FSIP2: variants seen among roughly 807,000 people sequenced by gnomAD.
FSIP2 encodes the protein fibrous sheath interacting protein 2, also known as fibrous sheath-interacting protein 2.
FSIP2 carries 367 observed loss-of-function variants against 510.5 expected under a neutral mutation model. That is an observed-to-expected ratio of 0.72 (90% CI 0.66 to 0.78). The LOEUF (loss-of-function observed/expected upper bound fraction) is 0.78, where lower values mean the gene tolerates loss of function less well. FSIP2 is among the 30% of genes least tolerant of loss of function. The probability of loss-of-function intolerance (pLI) is 0.00; values close to 1 mark genes in which losing one functional copy is unlikely to be tolerated. For missense variants in FSIP2, 7,594 were observed against 7,901.7 expected, an observed-to-expected ratio of 0.96 and a Z score of 1.48; for synonymous variants, 2,601 against 2,732.2, an observed-to-expected ratio of 0.95 and a Z score of 1.50.
chr2:185,745,386 T>TA (rs1559008959), intron 4 of FSIP2, 43 bp from the exon 5 acceptor site: 5 of 1,185,898 alleles, frequency 4.2e-6, no homozygotes, highest in Admixed American at 6.2e-5. Context: ...CTGGGAAATG[T>TA]AAAAAGCATT....
intron 13 of FSIP2, among the ~76,000 whole-genome samples, chr2:185,781,956 G>A (rs1692858444): frequency 6.6e-6 from 1 of 151,910 alleles, no homozygotes; most frequent in Non-Finnish European, 1.5e-5. Flanking sequence ...TCCTGCCTCA[G>A]CATCCCCCAG....
rs943701755 is a variant in FSIP2, at chr2:185,803,767, G to A, written c.14461G>A (p.Asp4821Asn). The change falls in exon 17 of 23, where the codon GAC becomes AAC. Residue 4821 changes from aspartate (D) to asparagine (N), a missense_variant. Transcript: ENST00000424728. ...SAEQSDTTKS[D>N]LSNTVIKLIN... ...AGAGCAGTCAGATACTACTAAATCAGACTTAAGTAATACAGTGATAAAACT... is the reference window on the plus strand; with the variant it reads ...AGAGCAGTCAGATACTACTAAATCAAACTTAAGTAATACAGTGATAAAACT... 3 of 1,530,114 alleles carry A rather than the reference G, an allele frequency of 2.0e-6. No individual in the cohort carries two copies. The highest frequency in any genetic ancestry group is 4.0e-5 in the Admixed American group (2 of 50,456). 94.8% of individuals were successfully genotyped at this position (1,530,114 alleles called of 1,614,324 possible).
In FSIP2 at chr2:185,792,300, G is replaced by A; in HGVS notation, c.5164G>A (p.Glu1722Lys). ...PTYGSLPGGA[E>K]SDSFLEDDAY... ...ATATGGAAGTCTTCCTGGAGGAGCT[G>A]AATCAGATTCATTTCTAGAAGATGA... The change falls in exon 16 of 23, where the codon GAA (glutamate) becomes AAA (lysine). Residue 1722 changes from glutamate (E) to lysine (K), a missense_variant. By Grantham distance (56) the Glu-to-Lys change is moderately conservative. Coordinates refer to ENST00000424728, the MANE Select transcript of FSIP2 (RefSeq NM_173651.4). 6.5e-7 allele frequency: 1 copy of A among 1,531,210 alleles called. No homozygotes were observed. Among genetic ancestry groups the A allele is most frequent in the Non-Finnish European group, 8.7e-7 (1 of 1,144,632 alleles). 94.9% of individuals were successfully genotyped at this position (1,531,210 alleles called of 1,614,324 possible).
Position 185,807,428 on chromosome 2 carries a change from C to T in FSIP2, c.18122C>T (p.Ser6041Phe), listed in dbSNP as rs1436835573. 2 of 1,611,334 alleles carry T rather than the reference C, an allele frequency of 1.2e-6. No homozygotes were observed. Among genetic ancestry groups the T allele is most frequent in the Non-Finnish European group, 1.7e-6 (2 of 1,179,052 alleles). Reference protein sequence around the residue: ...TKTKEPEDNLSTELNFLQMKL... With the variant: ...TKTKEPEDNLFTELNFLQMKL... ...ACAAAAGAACCTGAGGACAATTTGT[C>T]CACAGAACTGAATTTCCTTCAAATG... The change falls in exon 17 of 23, where the codon TCC becomes TTC. Residue 6041 changes from serine (S) to phenylalanine (F), a missense_variant. Ser to Phe is a radical substitution (Grantham distance 155). Transcript: ENST00000424728.
At position 185,790,737 on chromosome 2, in the gene FSIP2, T is replaced by G; in HGVS notation, c.3601T>G (p.Ser1201Ala). Residue 1201 changes from serine (S) to alanine (A), a missense_variant, in exon 16 of 23, where the codon TCC becomes GCC. Coordinates refer to ENST00000424728, the MANE Select transcript of FSIP2 (RefSeq NM_173651.4). ...SSISSSVHQI[S>A]LHNSDTEHIV... ...CATTTCATCATCAGTTCATCAGATT[T>G]CCTTACATAATTCTGACACTGAACA... The G allele has an allele frequency of 6.5e-7, 1 of 1,533,672 alleles. No individual in the cohort carries two copies. The highest frequency in any genetic ancestry group is 1.4e-5 in the African/African-American group (1 of 72,976).
chr2:185,753,467 T>C (rs1692186711), intron 7 of FSIP2, among the ~76,000 whole-genome samples: 1 of 151,452 alleles, frequency 6.6e-6, no homozygotes, highest in Admixed American at 6.6e-5. Context: ...ATGAATAAGA[T>C]ACCCTGTCTG....
intron 7 of FSIP2, among the ~76,000 whole-genome samples, chr2:185,751,026 C>T (rs1692136201): frequency 6.6e-6 from 1 of 151,274 alleles, no homozygotes; most frequent in South Asian, 2.1e-4. Flanking sequence ...GGGTAAATTA[C>T]GAATGTACAC....
intron 13 of FSIP2, among the ~76,000 whole-genome samples, chr2:185,776,803 C>T (rs1202335393): frequency 2.6e-5 from 4 of 151,382 alleles, no homozygotes; most frequent in Admixed American, 1.3e-4. Flanking sequence ...GGTGTGATCT[C>T]GGCTCACTGC....
chr2:185,793,623 G>T lies in FSIP2; in HGVS notation c.6487G>T (p.Val2163Phe), dbSNP rs1693192281. Residue 2163 changes from valine to phenylalanine, a missense_variant, in exon 16 of 23, where the codon GTT (valine) becomes TTT (phenylalanine). By Grantham distance (50) the Val-to-Phe change is conservative (BLOSUM62 -1). Coordinates refer to ENST00000424728, the MANE Select transcript of FSIP2 (RefSeq NM_173651.4). Reference sequence around the variant, plus strand: ...GATATCCAATGATATAGTGAATATTGTTCTTCATAATCTCAGTTCTGCTGC... The same window carrying T: ...GATATCCAATGATATAGTGAATATTTTTCTTCATAATCTCAGTTCTGCTGC... ...ILISNDIVNI[V>F]LHNLSSAATL... 2 of 1,534,016 alleles carry T rather than the reference G, an allele frequency of 1.3e-6. No homozygotes were observed. Among genetic ancestry groups the T allele is most frequent in the Middle Eastern group, 1.7e-4 (1 of 6,000 alleles).
chr2:185,815,155 T>C (rs1693804662), intron 18 of FSIP2, among the ~76,000 whole-genome samples: 1 of 152,076 alleles, frequency 6.6e-6, no homozygotes, highest in African/African-American at 2.4e-5. Context: ...GTTCAAAATC[T>C]AATGTCATAA....
chr2:185,786,247 T>C lies in FSIP2; in HGVS notation c.1470-5T>C, dbSNP rs2105603805. 1.3e-6 allele frequency: 2 copies of C among 1,519,322 alleles called. No individual in the cohort carries two copies. The highest frequency in any genetic ancestry group is 1.7e-4 in the Middle Eastern group (1 of 5,922). 94.1% of individuals were successfully genotyped at this position (1,519,322 alleles called of 1,614,324 possible). On this transcript the variant is annotated splice_polypyrimidine_tract_variant and splice_region_variant and intron_variant, in intron 14 of 22. Coordinates refer to ENST00000424728, the MANE Select transcript of FSIP2 (RefSeq NM_173651.4). Reference sequence around the variant, plus strand: ...AATAACTAAATGATCAACCTTTCTTTACAGGCAACAGAACTTGCTGCAAAA... The same window carrying C: ...AATAACTAAATGATCAACCTTTCTTCACAGGCAACAGAACTTGCTGCAAAA...
chr2:185,805,353 T>C lies in FSIP2; in HGVS notation c.16047T>C (p.Asp5349=). Residue 5349 remains aspartate, a synonymous_variant, in exon 17 of 23, where the codon GAT becomes GAC. Transcript: ENST00000424728. The part of the protein sequence containing the change: ...SFPPIDKETV[D]KISNFVYEQF... Reference sequence around the variant, plus strand: ...CACCAATTGATAAAGAGACAGTTGATAAAATATCCAATTTTGTATATGAAC... The same window carrying C: ...CACCAATTGATAAAGAGACAGTTGACAAAATATCCAATTTTGTATATGAAC... 6.3e-7 allele frequency: 1 copy of C among 1,598,344 alleles called. No individual in the cohort carries two copies. Among genetic ancestry groups the C allele is most frequent in the Non-Finnish European group, 8.5e-7 (1 of 1,174,440 alleles).
chr2:185,738,585 G>A (rs1574147771), upstream of FSIP2: 3 of 1,534,480 alleles, frequency 2.0e-6, no homozygotes, highest in African/African-American at 1.4e-5. Context: ...AAGCTTATAC[G>A]TTTTCGTTAG....
chr2:185,738,534 T>A, upstream of FSIP2: 1 of 1,392,454 alleles, frequency 7.2e-7, no homozygotes, highest in South Asian at 1.3e-5. Context: ...GGAACAGGGC[T>A]CCTTGGAAGC....
chr2:185,792,974 T>G lies in FSIP2; in HGVS notation c.5838T>G (p.Phe1946Leu), dbSNP rs750430685. ...VKSLFYSQVNFTVPVALPIQQ... is the reference protein window; with the variant it reads ...VKSLFYSQVNLTVPVALPIQQ... ...CTCTCTTTTATTCTCAAGTCAACTT[T>G]ACAGTTCCAGTGGCTTTACCTATTC... The change falls in exon 16 of 23, where the codon TTT becomes TTG. Residue 1946 changes from phenylalanine (F) to leucine (L), a missense_variant. Phe to Leu is a conservative substitution (Grantham distance 22). Transcript: ENST00000424728. 2.4e-4 allele frequency: 365 copies of G among 1,534,310 alleles called. No homozygotes were observed. Among genetic ancestry groups the G allele is most frequent in the Non-Finnish European group, 3.1e-4 (358 of 1,145,728 alleles).
chr2:185,780,022 G>A (rs1401699314), intron 13 of FSIP2, among the ~76,000 whole-genome samples: 5 of 149,700 alleles, frequency 3.3e-5, no homozygotes, highest in African/African-American at 4.9e-5. Flanking sequence ...GCAGTGAGCC[G>A]AGAGCGTGCC....
At chr2:185,782,786 T>C (rs1416717233) in intron 14 of FSIP2, 24 bp downstream of exon 14, 1 of 1,154,278 alleles carries the variant, frequency 8.7e-7, no homozygotes, top group East Asian at 2.6e-5. Context: ...GAATTATATA[T>C]AATCATAACT....
At chr2:185,819,442 A>G (rs984003507) in intron 19 of FSIP2, among the ~76,000 whole-genome samples, 2 of 151,938 alleles carry the variant, frequency 1.3e-5, no homozygotes, top group Non-Finnish European at 2.9e-5. Flanking sequence ...TATGTTATCC[A>G]TAAGATATTC....
Position 185,799,958 on chromosome 2 carries a change from T to C in FSIP2, c.10652T>C (p.Ile3551Thr). The stretch of plus-strand genomic sequence containing the variant: ...TCTCAAGTGTTTGAGAGCAGGTCAA[T>C]TTCCATTGGAGAACTTGCTTTATGT... Reference protein sequence around the residue: ...IHSQVFESRSISIGELALCIS... With the variant: ...IHSQVFESRSTSIGELALCIS... The change falls in exon 17 of 23, where the codon ATT becomes ACT. Residue 3551 changes from isoleucine (I) to threonine (T), a missense_variant. By Grantham distance (89) the Ile-to-Thr change is moderately conservative. Coordinates refer to ENST00000424728, the MANE Select transcript of FSIP2 (RefSeq NM_173651.4). 6.5e-7 allele frequency: 1 copy of C among 1,531,332 alleles called. No homozygotes were observed. Among genetic ancestry groups the C allele is most frequent in the Non-Finnish European group, 8.7e-7 (1 of 1,143,678 alleles). 94.9% of individuals were successfully genotyped at this position (1,531,332 alleles called of 1,614,324 possible).
Sources: gnomAD v4.1 joint callset for allele counts (sites outside exome capture counted in the v4.1 genomes callset) on GRCh38, gnomAD v4.1.1 for gene constraint, MANE v1.5 for transcripts, NCBI Gene and HGNC (gene_info 2026-07-23, HGNC 2026-07-21) for gene names.